Variants in GLIS3 observed in about 807,000 individuals in gnomAD.
The protein encoded by GLIS3 is zinc finger protein GLIS3.
A neutral mutation model predicts 78.6 loss-of-function variants in GLIS3; 53 were observed. The observed-to-expected ratio is 0.67, with a 90% CI of 0.54 to 0.85. The LOEUF is 0.85. Among genes scored for constraint, GLIS3 ranks in the 40% least tolerant of loss-of-function variants. The pLI, the probability that GLIS3 is intolerant of heterozygous loss-of-function variation, is 0.00. For synonymous variants in GLIS3, 684 were observed against 509.9 expected, an observed-to-expected ratio of 1.34 and a Z score of -4.60; for missense variants, 1,703 against 1,231.1, an observed-to-expected ratio of 1.38 and a Z score of -5.74.
chr9:4,057,874 G>A (rs996123828), intron 4 of GLIS3, among the ~76,000 whole-genome samples: 4 of 151,950 alleles, frequency 2.6e-5, no homozygotes, highest in Non-Finnish European at 4.4e-5. Context: ...AGATGTACAC[G>A]GCCTCGCTAA....
intron 2 of GLIS3, among the ~76,000 whole-genome samples, chr9:4,138,673 G>C (rs1341053726): frequency 6.6e-6 from 1 of 152,122 alleles, no homozygotes; most frequent in Admixed American, 6.5e-5. Context: ...TGTGACCTTG[G>C]GCAAATGCCT....
intron 4 of GLIS3, among the ~76,000 whole-genome samples, chr9:4,021,971 C>T (rs774173651): frequency 8.5e-5 from 13 of 152,156 alleles, no homozygotes; most frequent in African/African-American, 2.2e-4. Context: ...TGTTAAATAG[C>T]GGCTCGGTTA....
intron 6 of GLIS3, among the ~76,000 whole-genome samples, chr9:3,919,475 G>A (rs202207150): frequency 1.3e-5 from 2 of 151,976 alleles, no homozygotes; most frequent in East Asian, 3.9e-4. Flanking sequence ...ACACACTGGG[G>A]CCTGTTGGGA....
At chr9:4,049,307 C>T (rs958402969) in intron 4 of GLIS3, among the ~76,000 whole-genome samples, 8 of 152,156 alleles carry the variant, frequency 5.3e-5, no homozygotes, top group African/African-American at 1.9e-4. Context: ...TGCTACTGGC[C>T]TGGCCATCTG....
At chr9:4,417,544 T>G in the GLIS3 span, among the ~76,000 whole-genome samples, 1 of 152,366 alleles carries the variant, frequency 6.6e-6, no homozygotes, top group African/African-American at 2.4e-5. Flanking sequence ...TAGTTTGTTC[T>G]TGCTGTTTTG....
chr9:4,153,422 G>T (rs1053327297), intron 2 of GLIS3, among the ~76,000 whole-genome samples: 2 of 152,138 alleles, frequency 1.3e-5, no homozygotes, highest in African/African-American at 4.8e-5. Context: ...AAATTAGCCA[G>T]GTGTGCTTGT....
At chr9:3,857,423 G>C (rs990503308) in intron 8 of GLIS3, among the ~76,000 whole-genome samples, 1 of 152,212 alleles carries the variant, frequency 6.6e-6, no homozygotes, top group African/African-American at 2.4e-5. Context: ...GAAACATTCT[G>C]AACCAGAATA....
intron 2 of GLIS3, among the ~76,000 whole-genome samples, chr9:4,196,090 G>A (rs1054597940): frequency 6.6e-6 from 1 of 152,060 alleles, no homozygotes; most frequent in African/African-American, 2.4e-5. Context: ...ACTCTGTCTA[G>A]CTCAAGGTTT....
chr9:3,939,827 T>G (rs1318335066), intron 4 of GLIS3, among the ~76,000 whole-genome samples: 1 of 152,172 alleles, frequency 6.6e-6, no homozygotes, highest in East Asian at 1.9e-4. Context: ...AACTCACTCT[T>G]GTTGAAGAAT....
intron 2 of GLIS3, among the ~76,000 whole-genome samples, chr9:4,153,414 A>T (rs748164529): frequency 6.6e-6 from 1 of 152,170 alleles, no homozygotes; most frequent in South Asian, 2.1e-4. Flanking sequence ...AAATACAAAA[A>T]TTAGCCAGGT....
chr9:4,415,857 C>G, the GLIS3 span, among the ~76,000 whole-genome samples: 1 of 151,840 alleles, frequency 6.6e-6, no homozygotes, highest in African/African-American at 2.4e-5. Context: ...ATGGAACAGT[C>G]AAACAGTTCA....
the GLIS3 span, among the ~76,000 whole-genome samples, chr9:4,382,995 T>C: frequency 1.3e-5 from 2 of 152,332 alleles, no homozygotes; most frequent in Admixed American, 1.3e-4. Context: ...CATCTTCCCA[T>C]CTGTCTATTT....
chr9:4,423,065 G>A, the GLIS3 span, among the ~76,000 whole-genome samples: 19 of 152,078 alleles, frequency 1.2e-4, no homozygotes, highest in Non-Finnish European at 1.9e-4. Context: ...TGGATCGAGT[G>A]CCTGAGTATA....
intron 4 of GLIS3, among the ~76,000 whole-genome samples, chr9:4,049,893 A>T (rs1257603055): frequency 6.6e-6 from 1 of 152,106 alleles, no homozygotes. Flanking sequence ...CAAAACCACA[A>T]TGAGATACCA....
chr9:4,329,900 G>A (rs1484510178), intron 2 of GLIS3, among the ~76,000 whole-genome samples: 3 of 151,976 alleles, frequency 2.0e-5, no homozygotes, highest in Admixed American at 2.0e-4. Flanking sequence ...GTCTAGATGG[G>A]GACACAGATG....
At chr9:4,486,503 C>T in the GLIS3 span, among the ~76,000 whole-genome samples, 1 of 152,188 alleles carries the variant, frequency 6.6e-6, no homozygotes, top group Admixed American at 6.5e-5. Context: ...GGATTCAAGC[C>T]CCCATTCTTT....
intron 4 of GLIS3, among the ~76,000 whole-genome samples, chr9:4,050,494 G>GT (rs1253126980): frequency 3.3e-5 from 5 of 152,082 alleles, no homozygotes; most frequent in African/African-American, 7.2e-5. Flanking sequence ...AATACCTAAT[G>GT]TACATGACAA....
intron 4 of GLIS3, among the ~76,000 whole-genome samples, chr9:3,973,933 A>G (rs1161300469): frequency 6.6e-6 from 1 of 152,182 alleles, no homozygotes; most frequent in African/African-American, 2.4e-5. Flanking sequence ...TTGTAATCTC[A>G]AGCCTCACAG....
chr9:4,320,977 A>C (rs1817514769), intron 2 of GLIS3, among the ~76,000 whole-genome samples: 1 of 151,944 alleles, frequency 6.6e-6, no homozygotes, highest in African/African-American at 2.4e-5. Flanking sequence ...GATACAAAGA[A>C]CGTTGCTTGA....
Sources: allele counts gnomAD v4.1 joint callset (sites outside exome capture counted in the v4.1 genomes callset), GRCh38; gene constraint gnomAD v4.1.1; transcripts MANE v1.5; gene names NCBI Gene and HGNC (gene_info 2026-07-23, HGNC 2026-07-21).